Variants in CASZ1 observed in about 807,000 individuals in gnomAD.
CASZ1 encodes castor zinc finger 1.
CASZ1 carries 28 observed loss-of-function variants against 135.2 expected under a neutral mutation model. The ratio of observed to expected loss-of-function variants is 0.21; its 90% confidence interval spans 0.15 to 0.28. The LOEUF (loss-of-function observed/expected upper bound fraction) is 0.28. Ranked by LOEUF, CASZ1 falls within the 10% of genes least tolerant of loss-of-function variation. The pLI is 1.00. For missense variants in CASZ1, 2,161 were observed against 2,453.3 expected (o/e 0.88, Z 2.52); for synonymous variants, 1,068 against 1,073.4 (o/e 0.99, Z 0.10).
At chr1:10,677,682 C>T (rs1638267554) in intron 4 of CASZ1, among the ~76,000 whole-genome samples, 1 of 152,252 alleles carries the variant, frequency 6.6e-6, no homozygotes, top group African/African-American at 2.4e-5. Context: ...CTAGGCAGAT[C>T]CAGGGGCCCA....
chr1:10,684,381 C>A (rs1274210270), intron 4 of CASZ1, among the ~76,000 whole-genome samples: 1 of 152,206 alleles, frequency 6.6e-6, no homozygotes, highest in Non-Finnish European at 1.5e-5. Flanking sequence ...GGGACACGAG[C>A]ATGCCTGCCC....
At chr1:10,734,074 C>T (rs529564952) in intron 2 of CASZ1, among the ~76,000 whole-genome samples, 1 of 152,322 alleles carries the variant, frequency 6.6e-6, no homozygotes. Context: ...AGCGCTGGTA[C>T]ATCCCCAGCC....
intron 5 of CASZ1, chr1:10,660,838 T>C (rs1182458369): frequency 2.4e-6 from 1 of 416,874 alleles, no homozygotes; most frequent in Admixed American, 4.2e-5. Flanking sequence ...CATAAATGTC[T>C]CCGCTCTCTC....
chr1:10,694,363 TA>T lies in CASZ1; in HGVS notation c.-23-452del. On this transcript the variant is annotated intron_variant, in intron 3 of 20. Coordinates refer to ENST00000377022, the MANE Select transcript of CASZ1 (RefSeq NM_001079843.3). The surrounding 1 kb of genome is among the most constrained non-coding windows in gnomAD (Gnocchi z 6.6). ...ACTTTCATAATACTTAATTAATGCC[TA>T]ATTGCAACTGATTACTCCCCGAATA... 1 of 1,108,088 alleles carries T rather than the reference TA, an allele frequency of 9.0e-7. No individual in the cohort carries two copies. The highest frequency in any genetic ancestry group is 1.1e-6 in the Non-Finnish European group (1 of 879,756). The allele number at this position is 1,108,088 out of a possible 1,614,324, so 68.6% of individuals were successfully genotyped here.
At chr1:10,661,958 TACAC>T (rs201794446) in intron 5 of CASZ1, among the ~76,000 whole-genome samples, 1,845 of 145,232 alleles carry the variant, frequency 0.013, 24 homozygotes, top group South Asian at 0.032. Flanking sequence ...CGCCATCACA[TACAC>T]ACTCACATAA....
intron 1 of CASZ1, among the ~76,000 whole-genome samples, chr1:10,780,004 C>G (rs78503375): frequency 0.019 from 2,857 of 152,260 alleles, 33 homozygotes; most frequent in Non-Finnish European, 0.03. Flanking sequence ...CCCCGCCCAC[C>G]CTGAGCTGGG....
At chr1:10,775,785 T>C (rs1436851194) in intron 1 of CASZ1, among the ~76,000 whole-genome samples, 2 of 152,158 alleles carry the variant, frequency 1.3e-5, no homozygotes, top group Non-Finnish European at 2.9e-5. Flanking sequence ...AGAGGAAAGA[T>C]GAAGCCCTGA....
chr1:10,705,226 C>T (rs1291654619), intron 3 of CASZ1, among the ~76,000 whole-genome samples: 4 of 152,244 alleles, frequency 2.6e-5, no homozygotes, highest in African/African-American at 9.6e-5. Flanking sequence ...CTGCCCTGAG[C>T]ACGTTCCTTC....
intron 2 of CASZ1, among the ~76,000 whole-genome samples, chr1:10,740,066 C>T (rs1265908518): frequency 6.6e-6 from 1 of 152,220 alleles, no homozygotes; most frequent in East Asian, 1.9e-4. Flanking sequence ...AAGCTGCCCC[C>T]CTGGCCAGCA....
At position 10,774,548 on chromosome 1, in the gene CASZ1, C is replaced by T. The variant is rs1020240829; in HGVS notation, c.-233-13691G>A. On this transcript the variant is annotated intron_variant, in intron 1 of 20. Coordinates refer to ENST00000377022, the MANE Select transcript of CASZ1 (RefSeq NM_001079843.3). This position sits in a 1 kb window ranked among gnomAD's most constrained non-coding sequence, Gnocchi z 4.4. ...TTAAGCCCCGTGATCCCAAGAAATC[C>T]CATCCATAGCCCCCCCGATCCAAAA... 1.1e-5 allele frequency among the ~76,000 whole-genome samples: 1 copy of T among 94,798 alleles called. No homozygotes were observed. Among genetic ancestry groups the T allele is most frequent in the African/African-American group, 3.2e-5 (1 of 30,876 alleles). The allele number at this position is 94,798 out of a possible 152,430, so 62.2% of individuals were successfully genotyped here.
intron 4 of CASZ1, among the ~76,000 whole-genome samples, chr1:10,684,914 T>C (rs2100374865): frequency 6.6e-6 from 1 of 152,234 alleles, no homozygotes; most frequent in Admixed American, 6.5e-5. Flanking sequence ...ATGGAATGTG[T>C]CCTCCCAACT....
chr1:10,668,780 A>G (rs1171668740), intron 4 of CASZ1, among the ~76,000 whole-genome samples: 1 of 152,258 alleles, frequency 6.6e-6, no homozygotes, highest in Non-Finnish European at 1.5e-5. Flanking sequence ...GTTAGGTGAG[A>G]GAGGGCACCT....
At chr1:10,787,453 A>G (rs1640878466) in intron 1 of CASZ1, among the ~76,000 whole-genome samples, 1 of 152,192 alleles carries the variant, frequency 6.6e-6, no homozygotes. Flanking sequence ...AGCTGTGGGG[A>G]CGAGTGGGCC....
intron 2 of CASZ1, among the ~76,000 whole-genome samples, chr1:10,729,975 T>C (rs962615139): frequency 3.3e-5 from 5 of 152,098 alleles, no homozygotes; most frequent in African/African-American, 1.2e-4. Context: ...CCACCACAAC[T>C]GGCTAATTTT....
intron 2 of CASZ1, among the ~76,000 whole-genome samples, chr1:10,742,023 C>T (rs536731925): frequency 4.6e-5 from 7 of 152,238 alleles, no homozygotes; most frequent in South Asian, 4.2e-4. Flanking sequence ...CACGGCTGCT[C>T]GGTGGTTCCG....
Position 10,750,120 on chromosome 1 carries a change from T to C in CASZ1, c.-77+10581A>G, listed in dbSNP as rs79255017. Among the ~76,000 whole-genome samples the C allele has an allele frequency of 7.3e-3, 1,109 of 152,190 alleles. 10 individuals carry two copies. The highest frequency in any genetic ancestry group is 0.024 in the African/African-American group (981 of 41,536). On this transcript the variant is annotated intron_variant, in intron 2 of 20. Coordinates refer to ENST00000377022, the MANE Select transcript of CASZ1 (RefSeq NM_001079843.3). ...GAGAGTCAGGCCAGAGCCATGGCTC[T>C]GAGAAACCCTGGCACACGTGTGGCC...
At chr1:10,644,363 G>A (rs186648018) in intron 18 of CASZ1, among the ~76,000 whole-genome samples, 149 of 152,154 alleles carry the variant, frequency 9.8e-4, no homozygotes, top group Admixed American at 2.0e-3. Context: ...GGGTGCTCCA[G>A]CTGAGCCCAT....
chr1:10,734,004 A>G (rs1570537268), intron 2 of CASZ1, among the ~76,000 whole-genome samples: 2 of 152,240 alleles, frequency 1.3e-5, no homozygotes, highest in South Asian at 2.1e-4. Context: ...CACCCCTAAC[A>G]GGTCCACCTG....
rs1215776010 is a variant in CASZ1, at chr1:10,709,877, T to C, written c.-76-4333A>G. ...CCGGCGGCCCGCACAGGCCAGCAGG[T>C]GCCCGATCGAGACAGAGGCCTCGGG... On this transcript the variant is annotated intron_variant, in intron 2 of 20. Coordinates refer to ENST00000377022, the MANE Select transcript of CASZ1 (RefSeq NM_001079843.3). This position sits in a 1 kb window ranked among gnomAD's most constrained non-coding sequence, Gnocchi z 5.1. 1.3e-5 allele frequency among the ~76,000 whole-genome samples: 2 copies of C among 152,042 alleles called. No individual in the cohort carries two copies. Among genetic ancestry groups the C allele is most frequent in the Admixed American group, 6.5e-5 (1 of 15,280 alleles).
Sources: gnomAD v4.1 joint callset for allele counts (sites outside exome capture counted in the v4.1 genomes callset) on GRCh38, gnomAD v4.1.1 for gene constraint, Gnocchi (gnomAD v3.1) non-coding constraint, MANE v1.5 for transcripts, NCBI Gene and HGNC (gene_info 2026-07-23, HGNC 2026-07-21) for gene names.